Variants in LAMA1 observed in about 807,000 individuals in gnomAD.
LAMA1 encodes the protein laminin subunit alpha 1.
A neutral mutation model predicts 348.7 loss-of-function variants in LAMA1; 219 were observed. That is an observed-to-expected ratio of 0.63 (90% CI 0.56 to 0.70). LAMA1 has a LOEUF of 0.70. LAMA1 is among the 30% of genes least tolerant of loss of function. The pLI is 0.00. For synonymous variants in LAMA1, 1,487 were observed against 1,491.0 expected (o/e 1.00, Z 0.06); for missense variants, 3,744 against 3,888.0 (o/e 0.96, Z 0.99).
intron 3 of LAMA1, among the ~76,000 whole-genome samples, chr18:7,074,026 G>T (rs373111843): frequency 6.6e-6 from 1 of 151,674 alleles, no homozygotes; most frequent in Admixed American, 6.6e-5. Context: ...GTAGAGACAG[G>T]GTTTCACCAT....
intron 35 of LAMA1, among the ~76,000 whole-genome samples, 169 bp from the exon 36 acceptor site, chr18:6,992,889 C>T (rs1463010942): frequency 6.6e-6 from 1 of 152,218 alleles, no homozygotes; most frequent in Non-Finnish European, 1.5e-5. Context: ...TGCACATCCC[C>T]TAACTAAACA....
chr18:7,011,437 G>C lies in LAMA1; in HGVS notation c.3550C>G (p.Gln1184Glu). Residue 1184 changes from glutamine to glutamate, a missense_variant, in exon 25 of 63, where the codon CAG (glutamine) becomes GAG (glutamate). Gln to Glu is a conservative substitution (Grantham distance 29). Coordinates refer to ENST00000389658, the MANE Select transcript of LAMA1 (RefSeq NM_005559.4). Reference protein sequence around the residue: ...SDQPLLRVVSQSNLRGTTEGV... With the variant: ...SDQPLLRVVSESNLRGTTEGV... ...TCGGTCGTGCCCCTCAAGTTACTCT[G>C]AGAAACCACACGCAGAAGAGGCTGA... 6.2e-7 allele frequency: 1 copy of C among 1,608,838 alleles called. No homozygotes were observed. The highest frequency in any genetic ancestry group is 8.5e-7 in the Non-Finnish European group (1 of 1,177,986).
chr18:7,015,728 C>T lies in LAMA1; in HGVS notation c.3120G>A (p.Gly1040=). 1 of 1,613,832 alleles carries T rather than the reference C, an allele frequency of 6.2e-7. No homozygotes were observed. The highest frequency in any genetic ancestry group is 8.5e-7 in the Non-Finnish European group (1 of 1,180,016). The stretch of plus-strand genomic sequence containing the variant: ...CGTGGATGACAGTGCTCACCTGGCA[C>T]CCCACCTCCGCATCGTAGCCCCAGT... The part of the protein sequence containing the change: ...DGHWGYDAEV[G]CQACNCSLVG... Residue 1040 remains glycine, a synonymous_variant, in exon 22 of 63, where the codon GGG becomes GGA. Coordinates refer to ENST00000389658, the MANE Select transcript of LAMA1 (RefSeq NM_005559.4).
intron 16 of LAMA1, among the ~76,000 whole-genome samples, chr18:7,027,658 A>G (rs2057950421): frequency 1.3e-5 from 2 of 152,138 alleles, no homozygotes; most frequent in African/African-American, 2.4e-5. Flanking sequence ...AAACACTGTT[A>G]TAGGCCAGGC....
intron 7 of LAMA1, among the ~76,000 whole-genome samples, chr18:7,043,901 A>C (rs2058031016): frequency 6.6e-6 from 1 of 152,190 alleles, no homozygotes; most frequent in African/African-American, 2.4e-5. Context: ...CACGCCTGTA[A>C]TCCCAGCACT....
In LAMA1 at chr18:7,080,040, G is replaced by A. The variant is rs1361950803; in HGVS notation, c.280C>T (p.Gln94Ter). 12 of 1,614,038 alleles carry A rather than the reference G, an allele frequency of 7.4e-6. No individual in the cohort carries two copies. Among genetic ancestry groups the A allele is most frequent in the Non-Finnish European group, 1.0e-5 (12 of 1,180,008 alleles). Residue 94 changes from glutamine to a stop codon, truncating the protein, a stop_gained, in exon 3 of 63, where the codon CAA becomes TAA. Transcript: ENST00000389658. LOFTEE classifies it high-confidence loss of function. ...CTCCCATTCTGAATGCTGGGACTTT[G>A]CCACCAGTTATTGGTGCCATCTATG... ...HAIDGTNNWW[Q>*]SPSIQNGREY...
At chr18:7,012,165 T>C in intron 23 of LAMA1, 27 bp from the exon 24 acceptor site, 1 of 1,612,376 alleles carries the variant, frequency 6.2e-7, no homozygotes, top group Non-Finnish European at 8.5e-7. Context: ...AAAGGACTCG[T>C]TTTTGCCTAA....
chr18:7,095,808 G>A (rs2058258623), intron 1 of LAMA1, among the ~76,000 whole-genome samples: 8 of 152,188 alleles, frequency 5.3e-5, no homozygotes, highest in Admixed American at 4.6e-4. Context: ...TGTGGCTCAC[G>A]CCTGTATCCC....
At chr18:6,949,759 A>C (rs566265692) in intron 58 of LAMA1, among the ~76,000 whole-genome samples, 1 of 152,332 alleles carries the variant, frequency 6.6e-6, no homozygotes, top group South Asian at 2.1e-4. Flanking sequence ...GTCCCTCCCC[A>C]AAACTAACTC....
At chr18:7,109,484 T>C (rs1316742815) in intron 1 of LAMA1, among the ~76,000 whole-genome samples, 1 of 152,144 alleles carries the variant, frequency 6.6e-6, no homozygotes, top group Non-Finnish European at 1.5e-5. Flanking sequence ...CAAAATACAA[T>C]GCAGATTCAG....
rs530062844 is a variant in LAMA1, at chr18:7,111,561, T to A, written c.61+6099A>T. On this transcript the variant is annotated intron_variant, in intron 1 of 62. Transcript: ENST00000389658. ...CAATGAATCCAGCTATCGTGTGGCG[T>A]TTTATGCTGAAATAGCTCCCTGACA... Among the ~76,000 whole-genome samples the A allele has an allele frequency of 6.6e-5, 10 of 152,264 alleles. No homozygotes were observed. In the East Asian group the frequency reaches 1.9e-3, roughly 29 times the overall value.
chr18:7,011,141 G>A (rs962284368), intron 25 of LAMA1, among the ~76,000 whole-genome samples, 159 bp downstream of exon 25: 3 of 152,266 alleles, frequency 2.0e-5, no homozygotes, highest in Non-Finnish European at 2.9e-5. Context: ...TATATTTGAG[G>A]AGACTTTTAT....
At chr18:7,055,312 G>A (rs1041386456) in intron 3 of LAMA1, among the ~76,000 whole-genome samples, 3 of 151,898 alleles carry the variant, frequency 2.0e-5, no homozygotes, top group Non-Finnish European at 4.4e-5. Flanking sequence ...AATTAGCTGG[G>A]TGTAGTGGCA....
intron 26 of LAMA1, 98 bp downstream of exon 26, chr18:7,010,102 T>C: frequency 4.3e-6 from 6 of 1,391,826 alleles, no homozygotes; most frequent in South Asian, 2.3e-5. Context: ...CCACCGTACC[T>C]GGCTGCTCAT....
chr18:7,039,063 G>A lies in LAMA1; in HGVS notation c.1423-113C>T, dbSNP rs151069152. ...GATCCACAGAGACAGGTGAATAAAC[G>A]TCCAAAGTAAAGGTGAGGCCTCATA... On this transcript the variant is annotated intron_variant, in intron 10 of 62. Coordinates refer to ENST00000389658, the MANE Select transcript of LAMA1 (RefSeq NM_005559.4). The A allele has an allele frequency of 1.1e-3, 1,006 of 880,002 alleles. 8 individuals are homozygous for A. In the East Asian group the frequency reaches 0.021, roughly 19 times the overall value. 54.5% of individuals were successfully genotyped at this position (880,002 alleles called of 1,614,324 possible).
chr18:6,991,219 C>T (rs561953194), intron 36 of LAMA1, among the ~76,000 whole-genome samples: 4 of 152,080 alleles, frequency 2.6e-5, no homozygotes, highest in South Asian at 4.2e-4. Flanking sequence ...AAATCAACAA[C>T]GTCAAAAATT....
At chr18:7,042,798 G>A (rs986326670) in intron 8 of LAMA1, 133 of 200,848 alleles carry the variant, frequency 6.6e-4, no homozygotes, top group African/African-American at 2.8e-3. Flanking sequence ...CAGGAGAATC[G>A]CTTGAACCCG....
intron 40 of LAMA1, 94 bp downstream of exon 40, chr18:6,983,005 A>ACATTCT: frequency 1.3e-6 from 2 of 1,484,012 alleles, no homozygotes; most frequent in Non-Finnish European, 1.9e-6. Context: ...AAGAATGTTA[A>ACATTCT]TAGGCAGAAA....
At chr18:7,091,115 T>C (rs2058238194) in intron 1 of LAMA1, among the ~76,000 whole-genome samples, 1 of 152,252 alleles carries the variant, frequency 6.6e-6, no homozygotes, top group African/African-American at 2.4e-5. Context: ...TCATTTAGTA[T>C]ACAAGTTTAG....
Sources: gnomAD v4.1 joint callset for allele counts (sites outside exome capture counted in the v4.1 genomes callset) on GRCh38, gnomAD v4.1.1 for gene constraint, MANE v1.5 for transcripts, NCBI Gene and HGNC (gene_info 2026-07-23, HGNC 2026-07-21) for gene names.